Variants in SDK1 observed in about 807,000 individuals in gnomAD.
The protein encoded by SDK1 is sidekick cell adhesion molecule 1, also known as protein sidekick-1.
Under a neutral mutation model 245.5 loss-of-function variants are expected in SDK1, and 157 were observed. That is an observed-to-expected ratio of 0.64 (90% CI 0.56 to 0.73). The LOEUF (loss-of-function observed/expected upper bound fraction) is 0.73. Among genes scored for constraint, SDK1 ranks in the 30% least tolerant of loss-of-function variants. SDK1 has a pLI of 0.00. For missense variants in SDK1, 3,583 were observed against 3,002.3 expected (o/e 1.19, Z -4.52); for synonymous variants, 1,647 against 1,278.5 (o/e 1.29, Z -6.15).
intron 1 of SDK1, among the ~76,000 whole-genome samples, chr7:3,569,005 TG>T (rs1562569210): frequency 1.1e-5 from 1 of 88,330 alleles, no homozygotes; most frequent in East Asian, 2.7e-4. Context: ...GTGTGGCATA[TG>T]TTTTTTTTTT....
intron 17 of SDK1, among the ~76,000 whole-genome samples, chr7:4,044,902 C>T (rs1014527968): frequency 6.6e-6 from 1 of 152,182 alleles, no homozygotes; most frequent in Non-Finnish European, 1.5e-5. Flanking sequence ...TCACCTCCCC[C>T]AAAAGTCTTT....
chr7:4,051,217 A>G (rs1020816078), intron 18 of SDK1, among the ~76,000 whole-genome samples: 2 of 142,112 alleles, frequency 1.4e-5, no homozygotes, highest in African/African-American at 5.2e-5. Context: ...TGTATACATA[A>G]CATATACTAT....
At chr7:3,409,206 A>G (rs757247455) in intron 1 of SDK1, among the ~76,000 whole-genome samples, 62 of 151,442 alleles carry the variant, frequency 4.1e-4, no homozygotes, top group Non-Finnish European at 6.6e-4. Context: ...GTGTTTCTAC[A>G]CTCCTTTGCC....
At chr7:4,250,752 C>G (rs992115341) in intron 44 of SDK1, among the ~76,000 whole-genome samples, 1 of 152,180 alleles carries the variant, frequency 6.6e-6, no homozygotes, top group Non-Finnish European at 1.5e-5. Flanking sequence ...AGTCCCCAAC[C>G]CCACTCTAGT....
At chr7:3,890,014 G>T (rs1781421908) in intron 5 of SDK1, among the ~76,000 whole-genome samples, 1 of 152,154 alleles carries the variant, frequency 6.6e-6, no homozygotes, top group African/African-American at 2.4e-5. Context: ...GACTGGTTCA[G>T]TGGTCAGTAT....
chr7:4,165,759 G>A (rs564016102), intron 32 of SDK1, among the ~76,000 whole-genome samples: 15 of 152,118 alleles, frequency 9.9e-5, no homozygotes, highest in African/African-American at 3.6e-4. Flanking sequence ...CAAAGTGCTG[G>A]GATTACAGGA....
chr7:3,357,345 T>G (rs1159016481), intron 1 of SDK1, among the ~76,000 whole-genome samples: 2 of 103,348 alleles, frequency 1.9e-5, no homozygotes, highest in East Asian at 3.2e-4. Context: ...TTTTTTTTTT[T>G]TTTTTTTTTT....
At chr7:4,233,184 A>T in intron 40 of SDK1, 71 bp from the exon 41 acceptor site, 2 of 1,471,756 alleles carry the variant, frequency 1.4e-6, no homozygotes, top group Non-Finnish European at 1.9e-6. Flanking sequence ...CCCACCAGGC[A>T]GGTGCATGGG....
chr7:3,934,290 T>A (rs1192903241), intron 5 of SDK1, among the ~76,000 whole-genome samples: 1 of 152,258 alleles, frequency 6.6e-6, no homozygotes, highest in African/African-American at 2.4e-5. Flanking sequence ...CTTTCTCTCC[T>A]GTGTTCAAAC....
intron 5 of SDK1, among the ~76,000 whole-genome samples, chr7:3,942,336 G>C (rs1780399138): frequency 6.6e-6 from 1 of 152,188 alleles, no homozygotes; most frequent in African/African-American, 2.4e-5. Context: ...AGCAGGTAAT[G>C]ACTCTGCAGA....
In SDK1 at chr7:3,911,340, A is replaced by G. The variant is rs1583551315; in HGVS notation, c.848-39583A>G. Among the ~76,000 whole-genome samples, 3 of 152,176 alleles carry G rather than the reference A, an allele frequency of 2.0e-5. No individual in the cohort carries two copies. In the East Asian group the frequency reaches 5.8e-4, roughly 29 times the overall value. ...TGTCTTTGTTGGGGGGCTGTAACAA[A>G]GTGCCATAGACAGAGTGGCTTGTCA... On this transcript the variant is annotated intron_variant, in intron 5 of 44. Transcript: ENST00000404826.
intron 1 of SDK1, among the ~76,000 whole-genome samples, chr7:3,581,325 A>G (rs188950681): frequency 6.6e-6 from 1 of 152,212 alleles, no homozygotes; most frequent in Non-Finnish European, 1.5e-5. Context: ...CACTATTATT[A>G]ATTAGTGGGC....
intron 2 of SDK1, among the ~76,000 whole-genome samples, chr7:3,637,256 C>G (rs1455367421): frequency 2.0e-5 from 3 of 152,084 alleles, no homozygotes; most frequent in Non-Finnish European, 4.4e-5. Context: ...TGCCACCACA[C>G]CTGCTAATTT....
chr7:3,542,205 T>C (rs1043014083), intron 1 of SDK1, among the ~76,000 whole-genome samples: 1 of 152,234 alleles, frequency 6.6e-6, no homozygotes, highest in South Asian at 2.1e-4. Context: ...TATTATGTTA[T>C]GGCCTGATAC....
chr7:3,799,476 A>T (rs1187006966), intron 4 of SDK1, among the ~76,000 whole-genome samples: 1 of 151,884 alleles, frequency 6.6e-6, no homozygotes, highest in South Asian at 2.1e-4. Flanking sequence ...AGGCCGAGGC[A>T]GGTGGATCAC....
At chr7:4,250,150 A>T (rs34931244) in intron 44 of SDK1, among the ~76,000 whole-genome samples, 31,864 of 152,104 alleles carry the variant, frequency 0.21, 3,880 homozygotes, top group Non-Finnish European at 0.27. Context: ...GTACAGTATG[A>T]TGTCTTTTGT....
intron 17 of SDK1, among the ~76,000 whole-genome samples, chr7:4,038,835 A>G (rs1189702683): frequency 1.3e-5 from 2 of 152,230 alleles, no homozygotes; most frequent in African/African-American, 2.4e-5. Context: ...TATGAGATCA[A>G]TGCTTTAGGG....
intron 5 of SDK1, among the ~76,000 whole-genome samples, chr7:3,884,111 C>T (rs755035423): frequency 5.5e-5 from 8 of 146,734 alleles, no homozygotes; most frequent in Non-Finnish European, 7.4e-5. Context: ...GACAGGGTCT[C>T]GCTGTGTCAC....
At chr7:3,767,334 T>C (rs1780282766) in intron 4 of SDK1, among the ~76,000 whole-genome samples, 1 of 152,060 alleles carries the variant, frequency 6.6e-6, no homozygotes, top group African/African-American at 2.4e-5. Flanking sequence ...CTAAGGGGAT[T>C]GAGCAAAGCA....
Sources: allele counts gnomAD v4.1 joint callset (sites outside exome capture counted in the v4.1 genomes callset), GRCh38; gene constraint gnomAD v4.1.1; transcripts MANE v1.5; gene names NCBI Gene and HGNC (gene_info 2026-07-23, HGNC 2026-07-21).